The following KCNN2 variants were observed in gnomAD, a reference collection of about 807,000 sequenced individuals.
KCNN2 encodes the protein potassium calcium-activated channel subfamily N member 2.
In KCNN2, 24 loss-of-function variants were observed where a neutral mutation model predicts 55.5. That is an observed-to-expected ratio of 0.43 (90% CI 0.31 to 0.61). KCNN2 has a LOEUF of 0.61. Ranked by LOEUF, KCNN2 falls within the 20% of genes least tolerant of loss-of-function variation. KCNN2 has a pLI of 0.08. For missense variants in KCNN2, 754 were observed against 853.6 expected, an observed-to-expected ratio of 0.88 and a Z score of 1.45; for synonymous variants, 431 against 336.1, an observed-to-expected ratio of 1.28 and a Z score of -3.09.
At chr5:114,328,625 A>C (rs1268809464) in intron 2 of KCNN2, among the ~76,000 whole-genome samples, 1 of 152,172 alleles carries the variant, frequency 6.6e-6, no homozygotes, top group Non-Finnish European at 1.5e-5. Flanking sequence ...CCGGGAAACC[A>C]GCTGCCCAGT....
At chr5:114,156,046 T>G (rs1178384255) in intron 1 of KCNN2, among the ~76,000 whole-genome samples, 2 of 152,202 alleles carry the variant, frequency 1.3e-5, no homozygotes, top group Non-Finnish European at 2.9e-5. Flanking sequence ...CTATCTTGAC[T>G]TAATTTTTGT....
chr5:114,172,445 G>C (rs1753057979), intron 1 of KCNN2, among the ~76,000 whole-genome samples: 1 of 151,324 alleles, frequency 6.6e-6, no homozygotes, highest in Non-Finnish European at 1.5e-5. Context: ...CTCTATTTTA[G>C]CTATCACTGG....
chr5:114,200,943 G>A (rs6594796), intron 1 of KCNN2, among the ~76,000 whole-genome samples: 152,083 of 152,156 alleles, frequency 1, 76,005 homozygotes, highest in Middle Eastern at 1. Context: ...AGGCTCAGAG[G>A]AGCTTACACT....
At chr5:114,168,361 A>AT (rs1404112668) in intron 1 of KCNN2, among the ~76,000 whole-genome samples, 1 of 152,020 alleles carries the variant, frequency 6.6e-6, no homozygotes, top group Non-Finnish European at 1.5e-5. Context: ...AAATAGAGCT[A>AT]TTTTTGCCTA....
At chr5:114,206,152 G>T (rs1259917208) in intron 1 of KCNN2, among the ~76,000 whole-genome samples, 1 of 152,132 alleles carries the variant, frequency 6.6e-6, no homozygotes, top group South Asian at 2.1e-4. Context: ...AGTAAAATAT[G>T]TCTAAAAGAC....
chr5:114,082,106 T>C (rs2632129), intron 1 of KCNN2, among the ~76,000 whole-genome samples: 22,033 of 151,952 alleles, frequency 0.14, 1,674 homozygotes, highest in Middle Eastern at 0.18. Context: ...CCCAGTACTT[T>C]GGGAGGCCAA....
At chr5:114,281,724 A>T (rs945189684) in intron 2 of KCNN2, among the ~76,000 whole-genome samples, 1 of 116,440 alleles carries the variant, frequency 8.6e-6, no homozygotes, top group Non-Finnish European at 1.9e-5. Context: ...AGATTAAATA[A>T]TTTTTAAGCA....
upstream of KCNN2, among the ~76,000 whole-genome samples, chr5:114,358,817 T>C (rs1033947818): frequency 1.3e-5 from 2 of 152,160 alleles, no homozygotes; most frequent in Non-Finnish European, 2.9e-5. Context: ...CAGTCCTGTG[T>C]AGAAAAAAAA....
At chr5:114,203,507 C>A (rs1351868752) in intron 1 of KCNN2, among the ~76,000 whole-genome samples, 4 of 152,186 alleles carry the variant, frequency 2.6e-5, no homozygotes, top group Admixed American at 1.3e-4. Context: ...CCATATTTTC[C>A]CTTTGTGTCT....
chr5:114,473,248 CGAAGCTGAAATGACATGGTTTGA>C (rs1761831057), intron 5 of KCNN2, 84 bp downstream of exon 5: 2 of 874,976 alleles, frequency 2.3e-6, no homozygotes, highest in East Asian at 5.3e-5. Flanking sequence ...TTTTGACATC[CGAAGCTGAAATGACATGGTTTGA>C]AAGTATAGGC....
chr5:114,312,879 C>G (rs1368508311), intron 2 of KCNN2, among the ~76,000 whole-genome samples: 1 of 151,986 alleles, frequency 6.6e-6, no homozygotes, highest in East Asian at 1.9e-4. Flanking sequence ...CAAGGAAGAT[C>G]TGTGATAAGA....
At chr5:114,452,594 CTAGA>C (rs778348845) in intron 3 of KCNN2, among the ~76,000 whole-genome samples, 1 of 152,174 alleles carries the variant, frequency 6.6e-6, no homozygotes, top group Non-Finnish European at 1.5e-5. Flanking sequence ...GGTTCTCAGA[CTAGA>C]TAGCACATTA....
chr5:114,069,386 A>ATT (rs1396594669), intron 1 of KCNN2, among the ~76,000 whole-genome samples: 1 of 152,068 alleles, frequency 6.6e-6, no homozygotes, highest in Non-Finnish European at 1.5e-5. Flanking sequence ...AGAACTAATG[A>ATT]TTTTTCCCTC....
At chr5:114,073,371 C>G (rs1056754085) in intron 1 of KCNN2, among the ~76,000 whole-genome samples, 4 of 152,176 alleles carry the variant, frequency 2.6e-5, no homozygotes, top group Non-Finnish European at 4.4e-5. Flanking sequence ...GATGTATTCA[C>G]TCTTTTCCTC....
In KCNN2 at chr5:114,141,373, C is replaced by T. The variant is rs191100945; in HGVS notation, c.-270-80107C>T. ...CAATTCCCACCTATGAGTGAGAACA[C>T]GCGGAGTTTGTTTTTTTTTGTCCTT... On this transcript the variant is annotated intron_variant, in intron 1 of 10. Transcript: ENST00000512097. 3.8e-4 allele frequency among the ~76,000 whole-genome samples: 58 copies of T among 151,992 alleles called. 1 individual carries two copies. The South Asian group carries it at 7.3e-3, about 19-fold the overall frequency.
intron 2 of KCNN2, among the ~76,000 whole-genome samples, chr5:114,315,978 A>C (rs373972853): frequency 1.3e-5 from 2 of 149,370 alleles, no homozygotes; most frequent in Non-Finnish European, 1.5e-5. Context: ...GGCAAAAAAA[A>C]CCATTTGGTC....
intron 2 of KCNN2, among the ~76,000 whole-genome samples, chr5:114,396,631 C>G (rs1018337324): frequency 1.3e-5 from 2 of 151,550 alleles, no homozygotes; most frequent in African/African-American, 4.9e-5. Context: ...TCACTGCAAC[C>G]TCTGCCTCCC....
At chr5:114,399,930 G>GTTTTTTTTTTTTTTT (rs35266559) in intron 2 of KCNN2, among the ~76,000 whole-genome samples, 4 of 129,860 alleles carry the variant, frequency 3.1e-5, no homozygotes, top group Non-Finnish European at 5.0e-5. Flanking sequence ...TTTTTTTTTT[G>GTTTTTTTTTTTTTTT]TTTTTTTTTT....
At chr5:114,110,845 G>C (rs1226823005) in intron 1 of KCNN2, among the ~76,000 whole-genome samples, 1 of 152,020 alleles carries the variant, frequency 6.6e-6, no homozygotes, top group Non-Finnish European at 1.5e-5. Context: ...CCATTCATTT[G>C]CTGAATGATG....
Sources: allele counts gnomAD v4.1 joint callset (sites outside exome capture counted in the v4.1 genomes callset), GRCh38; gene constraint gnomAD v4.1.1; transcripts MANE v1.5; gene names NCBI Gene and HGNC (gene_info 2026-07-23, HGNC 2026-07-21).